The following LOC122539214 variants were observed in gnomAD, a reference collection of about 807,000 sequenced individuals.
chr19:52,654,185 C>CA, the LOC122539214 span: 1 of 1,600,412 alleles, frequency 6.2e-7, no homozygotes, highest in Non-Finnish European at 8.6e-7. Context: ...TCTGTACTAC[C>CA]AGTCAACTTT....
At chr19:52,653,142 GTTGTAAGGTT>G in the LOC122539214 span, 28 of 1,465,556 alleles carry the variant, frequency 1.9e-5, no homozygotes, top group African/African-American at 5.7e-5. Context: ...ACTCATGACA[GTTGTAAGGTT>G]TTTCTCCGGT....
chr19:52,677,306 TAAAA>T, the LOC122539214 span, among the ~76,000 whole-genome samples: 11 of 106,458 alleles, frequency 1.0e-4, no homozygotes, highest in African/African-American at 1.6e-4. Context: ...AATTGAGAAG[TAAAA>T]AAAAAAAAAA....
the LOC122539214 span, among the ~76,000 whole-genome samples, chr19:52,683,528 A>ACCCTTGACGCTG: frequency 4.8e-5 from 4 of 82,730 alleles, no homozygotes; most frequent in South Asian, 3.5e-4. Flanking sequence ...ATCCAAAGGG[A>ACCCTTGACGCTG]AGGGCAAAGT....
the LOC122539214 span, among the ~76,000 whole-genome samples, chr19:52,689,359 C>T: frequency 6.6e-6 from 1 of 152,102 alleles, no homozygotes; most frequent in African/African-American, 2.4e-5. Flanking sequence ...CCTCTGCTCT[C>T]CCTGTTACAT....
the LOC122539214 span, among the ~76,000 whole-genome samples, chr19:52,688,927 C>T: frequency 6.8e-6 from 1 of 147,760 alleles, no homozygotes; most frequent in Non-Finnish European, 1.5e-5. Flanking sequence ...CAGACACCCC[C>T]ACCTTCCAGA....
chr19:52,675,606 C>T, the LOC122539214 span, among the ~76,000 whole-genome samples: 19 of 151,796 alleles, frequency 1.3e-4, no homozygotes, highest in East Asian at 1.9e-4. Context: ...GATGGGCTCA[C>T]GGGGAAATTG....
At chr19:52,675,891 C>G in the LOC122539214 span, among the ~76,000 whole-genome samples, 1 of 152,108 alleles carries the variant, frequency 6.6e-6, no homozygotes, top group African/African-American at 2.4e-5. Context: ...GGGCAAAGGA[C>G]AAGAATGAAC....
chr19:52,672,672 T>C, the LOC122539214 span, among the ~76,000 whole-genome samples: 3 of 152,212 alleles, frequency 2.0e-5, no homozygotes, highest in African/African-American at 7.2e-5. Flanking sequence ...CGGTCTCGGC[T>C]CACTGCAACA....
chr19:52,670,872 G>A, the LOC122539214 span, among the ~76,000 whole-genome samples: 1 of 152,258 alleles, frequency 6.6e-6, no homozygotes, highest in Non-Finnish European at 1.5e-5. Flanking sequence ...TAAATACCTG[G>A]GATCAATAGA....
At chr19:52,656,864 CA>C in the LOC122539214 span, among the ~76,000 whole-genome samples, 32 of 136,638 alleles carry the variant, frequency 2.3e-4, no homozygotes, top group East Asian at 6.2e-4. Context: ...GACTCCGTCT[CA>C]AAAAAAAAAA....
chr19:52,684,868 G>A, the LOC122539214 span, among the ~76,000 whole-genome samples: 2 of 152,324 alleles, frequency 1.3e-5, no homozygotes, highest in Non-Finnish European at 2.9e-5. Flanking sequence ...GACACTGGCA[G>A]GGGCCCTGGA....
At chr19:52,653,975 T>A in the LOC122539214 span, 1 of 1,371,350 alleles carries the variant, frequency 7.3e-7, no homozygotes, top group Non-Finnish European at 1.0e-6. Flanking sequence ...TTCCCATACC[T>A]ATTAGAAATA....
chr19:52,664,046 A>G, the LOC122539214 span, among the ~76,000 whole-genome samples: 34 of 152,282 alleles, frequency 2.2e-4, 1 homozygote, highest in East Asian at 5.6e-3. Context: ...CACCATGCTC[A>G]GCTAATTTCA....
chr19:52,685,479 C>T, the LOC122539214 span, among the ~76,000 whole-genome samples: 1 of 151,986 alleles, frequency 6.6e-6, no homozygotes, highest in South Asian at 2.1e-4. Flanking sequence ...TTTAATTCTT[C>T]CTTAAAAAAA....
At chr19:52,666,021 G>A in the LOC122539214 span, among the ~76,000 whole-genome samples, 33 of 151,646 alleles carry the variant, frequency 2.2e-4, no homozygotes, top group African/African-American at 5.3e-4. Flanking sequence ...AAAATTAGCC[G>A]GGCATGGTGA....
At chr19:52,662,109 A>G in the LOC122539214 span, among the ~76,000 whole-genome samples, 1 of 152,214 alleles carries the variant, frequency 6.6e-6, no homozygotes, top group African/African-American at 2.4e-5. Context: ...CCACACTTCA[A>G]AAGAATTTTG....
chr19:52,685,979 C>T, the LOC122539214 span, among the ~76,000 whole-genome samples: 84,547 of 150,374 alleles, frequency 0.56, 23,737 homozygotes, highest in Middle Eastern at 0.61. Context: ...CATCTTTCAA[C>T]ATTTGTCCAA....
chr19:52,673,743 A>T, the LOC122539214 span, among the ~76,000 whole-genome samples: 4 of 151,458 alleles, frequency 2.6e-5, no homozygotes, highest in East Asian at 3.9e-4. Flanking sequence ...AATAAATAAA[A>T]AATTATTAGG....
At chr19:52,657,601 A>T in the LOC122539214 span, among the ~76,000 whole-genome samples, 1 of 152,214 alleles carries the variant, frequency 6.6e-6, no homozygotes, top group Non-Finnish European at 1.5e-5. Context: ...TAATCCCAGC[A>T]CTTTGGGATG....
Sources: gnomAD v4.1 joint callset for allele counts (sites outside exome capture counted in the v4.1 genomes callset) on GRCh38, gnomAD v4.1.1 for gene constraint, MANE v1.5 for transcripts.